Variants in EYS observed in about 807,000 individuals in gnomAD.
EYS encodes the protein EGF-like photoreceptor maintenance factor, also known as protein eyes shut homolog.
EYS carries 250 observed loss-of-function variants against 282.1 expected under a neutral mutation model. The ratio of observed to expected loss-of-function variants is 0.89; its 90% CI spans 0.80 to 0.98. The LOEUF (loss-of-function observed/expected upper bound fraction) is 0.98. Ranked by LOEUF, EYS falls within the 50% of genes least tolerant of loss-of-function variation. The pLI is 0.00. For synonymous variants in EYS, 1,355 were observed against 1,282.9 expected (o/e 1.06, Z -1.20); for missense variants, 4,016 against 3,709.0 (o/e 1.08, Z -2.15).
At chr6:65,617,281 G>A (rs971187943) in intron 2 of EYS, among the ~76,000 whole-genome samples, 1 of 152,068 alleles carries the variant, frequency 6.6e-6, no homozygotes, top group Non-Finnish European at 1.5e-5. Flanking sequence ...TGTGAACGAA[G>A]CTATTGATTT....
intron 28 of EYS, among the ~76,000 whole-genome samples, chr6:64,401,984 A>G (rs1445577244): frequency 2.6e-5 from 4 of 152,152 alleles, no homozygotes; most frequent in African/African-American, 9.6e-5. Flanking sequence ...TGACAGCTCA[A>G]CAACAGAAAT....
intron 22 of EYS, among the ~76,000 whole-genome samples, chr6:64,698,210 C>A (rs1770653761): frequency 6.6e-6 from 1 of 151,952 alleles, no homozygotes; most frequent in Non-Finnish European, 1.5e-5. Flanking sequence ...AAGTTTATTG[C>A]ATTAAATACC....
chr6:64,589,334 T>C (rs1328911099), intron 26 of EYS, among the ~76,000 whole-genome samples: 1 of 152,014 alleles, frequency 6.6e-6, no homozygotes, highest in Admixed American at 6.6e-5. Flanking sequence ...GTTGGGGTAA[T>C]ATATGAAGCA....
At chr6:65,695,897 T>A (rs751322848) in intron 1 of EYS, among the ~76,000 whole-genome samples, 2 of 152,008 alleles carry the variant, frequency 1.3e-5, no homozygotes, top group African/African-American at 2.4e-5. Flanking sequence ...GGTTCTGTAT[T>A]TATAGTGTTA....
intron 12 of EYS, among the ~76,000 whole-genome samples, chr6:65,121,674 T>C (rs16896313): frequency 0.018 from 2,792 of 152,280 alleles, 74 homozygotes; most frequent in African/African-American, 0.065. Flanking sequence ...TGGCCTAATC[T>C]ACAATTACTT....
chr6:63,805,651 A>T (rs1770886722), intron 37 of EYS, among the ~76,000 whole-genome samples: 1 of 152,184 alleles, frequency 6.6e-6, no homozygotes, highest in Non-Finnish European at 1.5e-5. Context: ...CTTGAATTGT[A>T]ATCCCCATAA....
intron 32 of EYS, among the ~76,000 whole-genome samples, chr6:64,076,921 C>T (rs180890629): frequency 0.017 from 2,580 of 152,026 alleles, 75 homozygotes; most frequent in African/African-American, 0.058. Context: ...TAGCTATCTA[C>T]TAAAAGGTGA....
chr6:64,974,441 G>C (rs1393233627), intron 14 of EYS, among the ~76,000 whole-genome samples: 1 of 148,800 alleles, frequency 6.7e-6, no homozygotes, highest in Non-Finnish European at 1.5e-5. Flanking sequence ...CATAATTACT[G>C]AATCAGACTA....
At chr6:63,780,692 G>T (rs1238693136) in intron 39 of EYS, among the ~76,000 whole-genome samples, 1 of 152,170 alleles carries the variant, frequency 6.6e-6, no homozygotes, top group Admixed American at 6.5e-5. Flanking sequence ...CTCCCATTCT[G>T]TAGGTTGCCT....
chr6:64,918,879 T>C (rs1308297329), intron 15 of EYS, among the ~76,000 whole-genome samples: 1 of 152,154 alleles, frequency 6.6e-6, no homozygotes, highest in Non-Finnish European at 1.5e-5. Flanking sequence ...AATTCAAATA[T>C]GGAGCTCTAG....
At chr6:64,886,927 C>T in intron 18 of EYS, 85 bp from the exon 19 acceptor site, 2 of 831,336 alleles carry the variant, frequency 2.4e-6, no homozygotes, top group Non-Finnish European at 3.5e-6. Flanking sequence ...ATTTTAAATT[C>T]AAGACATTCA....
chr6:65,094,974 G>C (rs1362778987), intron 12 of EYS, among the ~76,000 whole-genome samples: 1 of 150,988 alleles, frequency 6.6e-6, no homozygotes, highest in Admixed American at 6.6e-5. Flanking sequence ...ACTAAGAAGA[G>C]AGACTACTCA....
At chr6:65,051,596 T>C (rs1231261554) in intron 13 of EYS, among the ~76,000 whole-genome samples, 1 of 151,572 alleles carries the variant, frequency 6.6e-6, no homozygotes, top group Non-Finnish European at 1.5e-5. Flanking sequence ...AAGTATATAA[T>C]ACATTGTTTT....
intron 22 of EYS, among the ~76,000 whole-genome samples, chr6:64,796,702 GAGC>G (rs1774365324): frequency 6.6e-6 from 1 of 152,120 alleles, no homozygotes; most frequent in South Asian, 2.1e-4. Context: ...GAGCCAGAAA[GAGC>G]AGAACTGACT....
chr6:64,825,902 C>CAT (rs1168475352), intron 19 of EYS, among the ~76,000 whole-genome samples: 1 of 143,292 alleles, frequency 7.0e-6, no homozygotes, highest in African/African-American at 2.7e-5. Flanking sequence ...TCATAAAGTG[C>CAT]ACATATATAT....
At chr6:64,571,536 C>A (rs918922201) in intron 26 of EYS, among the ~76,000 whole-genome samples, 15 of 151,830 alleles carry the variant, frequency 9.9e-5, no homozygotes, top group African/African-American at 3.6e-4. Flanking sequence ...ACTAGCCAGA[C>A]TAATAAAGAA....
intron 7 of EYS, among the ~76,000 whole-genome samples, chr6:65,389,613 G>A (rs1005803265): frequency 6.6e-6 from 1 of 152,118 alleles, no homozygotes; most frequent in Non-Finnish European, 1.5e-5. Context: ...TCATATCCAT[G>A]ATATGTAGTT....
chr6:64,669,912 A>G (rs1391870458), intron 22 of EYS, among the ~76,000 whole-genome samples: 1 of 152,184 alleles, frequency 6.6e-6, no homozygotes, highest in African/African-American at 2.4e-5. Flanking sequence ...TTAACGTTAG[A>G]TAGGTTGTTT....
At chr6:65,004,265 T>A (rs1771565126) in intron 13 of EYS, among the ~76,000 whole-genome samples, 1 of 147,620 alleles carries the variant, frequency 6.8e-6, no homozygotes, top group African/African-American at 2.4e-5. Flanking sequence ...TCGCTGCACT[T>A]GTGACTCACA....
Sources: allele counts gnomAD v4.1 joint callset (sites outside exome capture counted in the v4.1 genomes callset), GRCh38; gene constraint gnomAD v4.1.1; transcripts MANE v1.5; gene names NCBI Gene and HGNC (gene_info 2026-07-23, HGNC 2026-07-21).